The following CYP7B1 variants were observed in gnomAD, a reference collection of about 807,000 sequenced individuals.
CYP7B1 encodes cytochrome P450 family 7 subfamily B member 1, also known as cytochrome P450 7B1.
Under a neutral mutation model 42.7 loss-of-function variants are expected in CYP7B1, and 29 were observed. That is an observed-to-expected ratio of 0.68 (90% CI 0.51 to 0.93). CYP7B1 has a LOEUF of 0.93. Among genes scored for constraint, CYP7B1 ranks in the 40% least tolerant of loss-of-function variants. CYP7B1 has a pLI of 0.00. For missense variants in CYP7B1, 655 were observed against 600.5 expected (o/e 1.09, Z -0.95); for synonymous variants, 235 against 218.2 (o/e 1.08, Z -0.68).
intron 1 of CYP7B1, among the ~76,000 whole-genome samples, chr8:64,705,846 G>A (rs1360333937): frequency 6.6e-6 from 1 of 151,954 alleles, no homozygotes; most frequent in African/African-American, 2.4e-5. Context: ...GGCCATAACT[G>A]TTTTAATAAT....
chr8:64,712,028 T>C (rs1331860830), intron 1 of CYP7B1, among the ~76,000 whole-genome samples: 3 of 152,286 alleles, frequency 2.0e-5, no homozygotes, highest in Middle Eastern at 6.8e-3. Context: ...AGAGATAAAG[T>C]CAGCAAAGAA....
rs576490835 is a variant in CYP7B1 at position 64,694,923 on chromosome 8, G to A, written c.123-70384C>T. On this transcript the variant is annotated intron_variant, in intron 1 of 5. Coordinates refer to ENST00000310193, the MANE Select transcript of CYP7B1 (RefSeq NM_004820.5). ...TAACAAACTGCAGTTTTGATTGCCC[G>A]TTCTGTCCTGACTTCTGAGTACATG... Among the ~76,000 whole-genome samples, 17 of 152,294 alleles carry A rather than the reference G, an allele frequency of 1.1e-4. No individual in the cohort carries two copies. The South Asian group carries it at 1.2e-3, about 11-fold the overall frequency.
intron 5 of CYP7B1, among the ~76,000 whole-genome samples, chr8:64,599,621 T>C (rs1805172147): frequency 6.6e-6 from 1 of 152,238 alleles, no homozygotes; most frequent in Admixed American, 6.5e-5. Flanking sequence ...GTTCCTCTAA[T>C]GATTGTTGCA....
intron 1 of CYP7B1, among the ~76,000 whole-genome samples, chr8:64,756,638 T>C (rs374340197): frequency 7.2e-5 from 11 of 152,312 alleles, no homozygotes; most frequent in Admixed American, 2.6e-4. Flanking sequence ...ACCATGCCCC[T>C]GCCCGCTAGC....
At chr8:64,632,447 A>C (rs1805710603) in intron 1 of CYP7B1, among the ~76,000 whole-genome samples, 1 of 152,076 alleles carries the variant, frequency 6.6e-6, no homozygotes, top group Non-Finnish European at 1.5e-5. Context: ...TCTAATCAGC[A>C]GGTATAAAGT....
At chr8:64,775,007 T>C (rs1804300441) in intron 1 of CYP7B1, among the ~76,000 whole-genome samples, 1 of 152,194 alleles carries the variant, frequency 6.6e-6, no homozygotes, top group African/African-American at 2.4e-5. Flanking sequence ...TCAAATATCT[T>C]ACCTTCTCTG....
At chr8:64,792,457 C>G (rs940554127) in intron 1 of CYP7B1, among the ~76,000 whole-genome samples, 3 of 152,126 alleles carry the variant, frequency 2.0e-5, no homozygotes, top group African/African-American at 7.2e-5. Context: ...ACAACTTTTG[C>G]TAGCGGTGGG....
intron 1 of CYP7B1, among the ~76,000 whole-genome samples, chr8:64,742,331 G>T (rs1321627264): frequency 6.6e-6 from 1 of 151,966 alleles, no homozygotes; most frequent in Non-Finnish European, 1.5e-5. Flanking sequence ...ATGCATTTTG[G>T]CCTCCTATTT....
chr8:64,632,165 C>A (rs551505269), intron 1 of CYP7B1, among the ~76,000 whole-genome samples: 1 of 152,156 alleles, frequency 6.6e-6, no homozygotes, highest in African/African-American at 2.4e-5. Context: ...ACATGTGGAA[C>A]CAACCTAAAT....
intron 1 of CYP7B1, among the ~76,000 whole-genome samples, chr8:64,750,965 G>A (rs1585893884): frequency 2.0e-5 from 3 of 151,982 alleles, no homozygotes; most frequent in South Asian, 2.1e-4. Flanking sequence ...CCATCCTCAC[G>A]CCAACTGCTG....
intron 1 of CYP7B1, among the ~76,000 whole-genome samples, chr8:64,743,578 T>G (rs1807600413): frequency 6.6e-6 from 1 of 152,180 alleles, no homozygotes. Context: ...TTGGCTTGTC[T>G]TCTCACTGAG....
intron 1 of CYP7B1, among the ~76,000 whole-genome samples, chr8:64,784,128 T>C (rs985376515): frequency 1.3e-5 from 2 of 152,082 alleles, no homozygotes; most frequent in African/African-American, 4.8e-5. Context: ...CCCTCACAAA[T>C]AGAATAGGCA....
At chr8:64,788,948 T>A (rs1468057388) in intron 1 of CYP7B1, among the ~76,000 whole-genome samples, 1 of 152,202 alleles carries the variant, frequency 6.6e-6, no homozygotes, top group East Asian at 1.9e-4. Flanking sequence ...TCAGATGCAG[T>A]CTCACTCTGT....
At chr8:64,741,636 A>C (rs35506467) in intron 1 of CYP7B1, among the ~76,000 whole-genome samples, 43,852 of 152,084 alleles carry the variant, frequency 0.29, 7,556 homozygotes, top group African/African-American at 0.48. Context: ...TTCTTAAACA[A>C]ATAATCAATT....
downstream of CYP7B1, among the ~76,000 whole-genome samples, chr8:64,587,078 G>A (rs1054352496): frequency 6.6e-6 from 1 of 152,204 alleles, no homozygotes; most frequent in African/African-American, 2.4e-5. Flanking sequence ...CAGTAAACAG[G>A]GCTGGGTAGG....
chr8:64,743,170 T>G (rs1428420557), intron 1 of CYP7B1, among the ~76,000 whole-genome samples: 1 of 152,180 alleles, frequency 6.6e-6, no homozygotes, highest in African/African-American at 2.4e-5. Flanking sequence ...TTTTCCATTT[T>G]TTTAATATTT....
chr8:64,649,748 C>A (rs966990961), intron 1 of CYP7B1, among the ~76,000 whole-genome samples: 1 of 152,164 alleles, frequency 6.6e-6, no homozygotes, highest in Non-Finnish European at 1.5e-5. Context: ...TGATAGTGAC[C>A]ATCCTGACAA....
In CYP7B1 at chr8:64,625,201, C is replaced by T. The variant is rs975858008; in HGVS notation, c.123-662G>A. On this transcript the variant is annotated intron_variant, in intron 1 of 5. Transcript: ENST00000310193. Reference sequence around the variant, plus strand: ...TGTTAGCCAGGATGGCCTTGATCTCCTGACCTCTTGATCTGCCCAACTCGG... The same window carrying T: ...TGTTAGCCAGGATGGCCTTGATCTCTTGACCTCTTGATCTGCCCAACTCGG... Among the ~76,000 whole-genome samples, 3 of 152,212 alleles carry T rather than the reference C, an allele frequency of 2.0e-5. No homozygotes were observed. In the East Asian group the frequency reaches 5.8e-4, roughly 29 times the overall value.
intron 1 of CYP7B1, among the ~76,000 whole-genome samples, chr8:64,782,405 C>T (rs1253420156): frequency 6.6e-6 from 1 of 152,108 alleles, no homozygotes; most frequent in Admixed American, 6.5e-5. Context: ...CACATGAGGG[C>T]ACAGTGAACA....
Sources: gnomAD v4.1 joint callset for allele counts (sites outside exome capture counted in the v4.1 genomes callset) on GRCh38, gnomAD v4.1.1 for gene constraint, MANE v1.5 for transcripts, NCBI Gene and HGNC (gene_info 2026-07-23, HGNC 2026-07-21) for gene names.